Variants in CD164L2 observed in about 807,000 individuals in gnomAD.
The protein encoded by CD164L2 is CD164 sialomucin-like 2 protein.
A neutral mutation model predicts 23.9 loss-of-function variants in CD164L2; 21 were observed. The ratio of observed to expected loss-of-function variants is 0.88; its 90% CI spans 0.62 to 1.27. The LOEUF (loss-of-function observed/expected upper bound fraction) is 1.27, where lower values mean the gene tolerates loss of function less well. Ranked by LOEUF, CD164L2 falls within the 50% of genes most tolerant of loss-of-function variation. CD164L2 has a pLI of 0.00. For synonymous variants in CD164L2, 92 were observed against 90.2 expected, an observed-to-expected ratio of 1.02 and a Z score of -0.11; for missense variants, 230 against 224.8, an observed-to-expected ratio of 1.02 and a Z score of -0.15.
At position 27,382,098 on chromosome 1, in the gene CD164L2, T is replaced by C. The variant is rs912231995; in HGVS notation, c.328+230A>G. On this transcript the variant is annotated intron_variant, in intron 3 of 5. Transcript: ENST00000374030. ...CCAAAGTCCTTGCTATGCCTTAAACTAGAAGAAGAGCTAACACTCCCATCC... is the reference window on the plus strand; with the variant it reads ...CCAAAGTCCTTGCTATGCCTTAAACCAGAAGAAGAGCTAACACTCCCATCC... 2.7e-6 allele frequency: 4 copies of C among 1,484,518 alleles called. No homozygotes were observed. The African/African-American group carries it at 5.6e-5, about 21-fold the overall frequency. 92.0% of individuals were successfully genotyped at this position (1,484,518 alleles called of 1,614,324 possible).
rs971544064 is a variant in CD164L2 at position 27,379,424 on chromosome 1, C to T, written c.*79G>A. 2.5e-5 allele frequency: 29 copies of T among 1,149,224 alleles called. No homozygotes were observed. The highest frequency in any genetic ancestry group is 2.0e-4 in the Middle Eastern group (1 of 5,070). The allele number at this position is 1,149,224 out of a possible 1,614,324, so 71.2% of individuals were successfully genotyped here. A position where few individuals can be genotyped will look rare whatever the true frequency, so the allele number is the denominator to read the frequency against. ...CCAGAGTTTTTCCCGCCCCCGCCCC[C>T]CGCTTACCCACAAGGGTGCCCAGAG... On this transcript the variant is annotated 3_prime_UTR_variant, in exon 6 of 6. Coordinates refer to ENST00000374030, the MANE Select transcript of CD164L2 (RefSeq NM_001330448.1).
rs1484181048 is a variant in CD164L2 at position 27,379,210 on chromosome 1, C to G, written c.*293G>C. The G allele has an allele frequency of 3.6e-6, 2 of 552,676 alleles. No homozygotes were observed. The highest frequency in any genetic ancestry group is 3.8e-5 in the African/African-American group (2 of 52,936). The allele number at this position is 552,676 out of a possible 1,614,324, so 34.2% of individuals were successfully genotyped here. A position where few individuals can be genotyped will look rare whatever the true frequency, so the allele number is the denominator to read the frequency against. ...GAGTTCCTTTATTTGGGGGCAGTGCCCAGGCCAGTTGGTGGAAAGAGGCAG... is the reference window on the plus strand; with the variant it reads ...GAGTTCCTTTATTTGGGGGCAGTGCGCAGGCCAGTTGGTGGAAAGAGGCAG... On this transcript the variant is annotated 3_prime_UTR_variant, in exon 6 of 6. Transcript: ENST00000374030.
intron 5 of CD164L2, chr1:27,379,755 G>A: frequency 6.9e-7 from 1 of 1,439,320 alleles, no homozygotes; most frequent in South Asian, 1.5e-5. Flanking sequence ...AGGCTTGCCT[G>A]GGCTGGCACC....
Position 27,382,333 on chromosome 1 carries a change from C to T in CD164L2, c.323G>A (p.Cys108Tyr), listed in dbSNP as rs1434040415. The change falls in exon 3 of 6, where the codon TGT becomes TAT. Residue 108 changes from cysteine to tyrosine, a missense_variant. By Grantham distance (194) the Cys-to-Tyr change is radical (BLOSUM62 -2). Transcript: ENST00000374030. ...GCSIYNRSEA[C>Y]PAAHHHPTYE... ...AGGTGCAAGAACCCCCTTACCTGGA[C>T]ATGCCTCTGAGCGGTTGTAGATGGA... 1 of 1,614,076 alleles carries T rather than the reference C, an allele frequency of 6.2e-7. No homozygotes were observed. The highest frequency in any genetic ancestry group is 1.7e-5 in the Admixed American group (1 of 60,012).
At chr1:27,379,609 T>C (rs2016300146) in intron 5 of CD164L2, 100 bp from the exon 6 acceptor site, 1 of 1,547,632 alleles carries the variant, frequency 6.5e-7, no homozygotes. Flanking sequence ...GCAAACACTT[T>C]AACACAGGCT....
At chr1:27,381,757 C>T (rs754150805) in intron 4 of CD164L2, 23 bp downstream of exon 4, 3 of 1,613,212 alleles carry the variant, frequency 1.9e-6, no homozygotes, top group Non-Finnish European at 2.5e-6. Flanking sequence ...CCTCCCACTG[C>T]CCCGTCTCCA....
In CD164L2 at chr1:27,382,340, C is replaced by G. The variant is rs1160570384; in HGVS notation, c.316G>C (p.Glu106Gln). 12 of 1,613,952 alleles carry G rather than the reference C, an allele frequency of 7.4e-6. No individual in the cohort carries two copies. Among genetic ancestry groups the G allele is most frequent in the Non-Finnish European group, 1.0e-5 (12 of 1,179,986 alleles). Residue 106 changes from glutamate to glutamine, a missense_variant, in exon 3 of 6, where the codon GAG becomes CAG. Transcript: ENST00000374030. ...KEGCSIYNRS[E>Q]ACPAAHHHPT... is the part of the protein sequence containing the mutation. ...AGAACCCCCTTACCTGGACATGCCT[C>G]TGAGCGGTTGTAGATGGAGCAACCT... is the stretch of plus-strand genomic sequence containing the variant.
Position 27,382,551 on chromosome 1 carries a change from C to T in CD164L2, c.205G>A (p.Ala69Thr). The change falls in exon 2 of 6, where the codon GCG (alanine) becomes ACG (threonine). Residue 69 changes from alanine (A) to threonine (T), a missense_variant. By Grantham distance (58) the Ala-to-Thr change is moderately conservative. Transcript: ENST00000374030. ...VCEHCVEGDG[A>T]RNLSSCVWEQ... Reference sequence around the variant, plus strand: ...CACACGCAGCTGGAGAGATTGCGCGCTCCGTCTCCCTCCACGCAGTGCTCA... The same window carrying T: ...CACACGCAGCTGGAGAGATTGCGCGTTCCGTCTCCCTCCACGCAGTGCTCA... The T allele has an allele frequency of 6.2e-7, 1 of 1,613,792 alleles. No individual in the cohort carries two copies. Among genetic ancestry groups the T allele is most frequent in the Non-Finnish European group, 8.5e-7 (1 of 1,179,908 alleles).
intron 1 of CD164L2, 39 bp downstream of exon 1, chr1:27,383,113 T>A: frequency 6.8e-7 from 1 of 1,476,254 alleles, no homozygotes. Flanking sequence ...GCTCCATCCG[T>A]CCCCGTCGAG....
In CD164L2 at chr1:27,380,290, C is replaced by T. The variant is rs367980682; in HGVS notation, c.374-95G>A. 84 of 1,188,724 alleles carry T rather than the reference C, an allele frequency of 7.1e-5. 1 individual carries two copies. In the South Asian group the frequency reaches 9.8e-4, roughly 14 times the overall value. 73.6% of individuals were successfully genotyped at this position (1,188,724 alleles called of 1,614,324 possible). A position where few individuals can be genotyped will look rare whatever the true frequency, so the allele number is the denominator to read the frequency against. ...ACTGGCACAAGTAACCTGGAGGCCC[C>T]GGTCCTCAATATGGGGTGCTTAAAC... On this transcript the variant is annotated intron_variant, in intron 4 of 5. Transcript: ENST00000374030.
chr1:27,383,121 G>GACCCT, intron 1 of CD164L2, 31 bp downstream of exon 1: 2 of 1,505,282 alleles, frequency 1.3e-6, no homozygotes, highest in Non-Finnish European at 1.8e-6. Context: ...CGTCCCCGTC[G>GACCCT]AGCCCCTAGC....
chr1:27,382,014 A>G, intron 3 of CD164L2, 190 bp from the exon 4 acceptor site: 3 of 1,423,494 alleles, frequency 2.1e-6, no homozygotes, highest in East Asian at 2.5e-5. Context: ...TCTACCTTCC[A>G]GGCTCATTAC....
rs2016310182 is a variant in CD164L2, at chr1:27,380,118, T to C, written c.451A>G (p.Ser151Gly). The C allele has an allele frequency of 6.2e-7, 1 of 1,613,900 alleles. No homozygotes were observed. The highest frequency in any genetic ancestry group is 2.2e-5 in the East Asian group (1 of 44,890). ...ACAAAGAAAGCCACCGCCTGTAGGC[T>C]CAACACCAGCACGACACCTCCGATA... ...SFIGGVVLVL[S>G]LQAVAFFVLH... Residue 151 changes from serine to glycine, a missense_variant, in exon 5 of 6, where the codon AGC (serine) becomes GGC (glycine). Ser to Gly is a moderately conservative substitution (Grantham distance 56). Transcript: ENST00000374030.
chr1:27,380,766 G>T (rs529784207), intron 4 of CD164L2, among the ~76,000 whole-genome samples: 93 of 152,362 alleles, frequency 6.1e-4, no homozygotes, highest in Middle Eastern at 6.8e-3. Context: ...GCGAGGACTG[G>T]ACAGTGTGTG....
chr1:27,379,415 C>A lies in CD164L2; in HGVS notation c.*88G>T, dbSNP rs1326927954. 5 of 1,092,548 alleles carry A rather than the reference C, an allele frequency of 4.6e-6. No individual in the cohort carries two copies. In the Admixed American group the frequency reaches 1.1e-4, roughly 24 times the overall value. The allele number at this position is 1,092,548 out of a possible 1,614,324, so 67.7% of individuals were successfully genotyped here. On this transcript the variant is annotated 3_prime_UTR_variant, in exon 6 of 6. Coordinates refer to ENST00000374030, the MANE Select transcript of CD164L2 (RefSeq NM_001330448.1). Reference sequence around the variant, plus strand: ...AACTGGCGGCCAGAGTTTTTCCCGCCCCCGCCCCCCGCTTACCCACAAGGG... The same window carrying A: ...AACTGGCGGCCAGAGTTTTTCCCGCACCCGCCCCCCGCTTACCCACAAGGG...
intron 5 of CD164L2, 52 bp downstream of exon 5, chr1:27,379,999 G>A: frequency 1.9e-6 from 3 of 1,599,560 alleles, no homozygotes; most frequent in Non-Finnish European, 2.6e-6. Context: ...GGTGGGGCAG[G>A]AACCAGGAGG....
At position 27,382,324 on chromosome 1, in the gene CD164L2, T is replaced by C; in HGVS notation, c.328+4A>G. On this transcript the variant is annotated splice_donor_region_variant and intron_variant, in intron 3 of 5. Coordinates refer to ENST00000374030, the MANE Select transcript of CD164L2 (RefSeq NM_001330448.1). ...ACTTGGCTTAGGTGCAAGAACCCCCTTACCTGGACATGCCTCTGAGCGGTT... is the reference window on the plus strand; with the variant it reads ...ACTTGGCTTAGGTGCAAGAACCCCCCTACCTGGACATGCCTCTGAGCGGTT... The C allele has an allele frequency of 1.3e-5, 21 of 1,614,086 alleles. No individual in the cohort carries two copies. The highest frequency in any genetic ancestry group is 1.7e-5 in the Non-Finnish European group (20 of 1,179,954).
intron 4 of CD164L2, 123 bp downstream of exon 4, chr1:27,381,657 G>C (rs2016336409): frequency 1.9e-6 from 2 of 1,046,720 alleles, no homozygotes; most frequent in Admixed American, 2.5e-5. Flanking sequence ...CACAGATGCG[G>C]AGACAGGCTC....
At chr1:27,381,655 C>T (rs577827541) in intron 4 of CD164L2, 125 bp downstream of exon 4, 52 of 1,019,648 alleles carry the variant, frequency 5.1e-5, no homozygotes, top group Admixed American at 1.8e-4. Context: ...TTCACAGATG[C>T]GGAGACAGGC....
Sources: allele counts gnomAD v4.1 joint callset (sites outside exome capture counted in the v4.1 genomes callset), GRCh38; gene constraint gnomAD v4.1.1; transcripts MANE v1.5; gene names NCBI Gene and HGNC (gene_info 2026-07-23, HGNC 2026-07-21).